LRMDA: variants seen among roughly 807,000 people sequenced by gnomAD.
The protein encoded by LRMDA is leucine rich melanocyte differentiation associated.
LRMDA carries 18 observed loss-of-function variants against 29.8 expected under a neutral mutation model. The ratio of observed to expected loss-of-function variants is 0.60; its 90% CI spans 0.42 to 0.90. The LOEUF (loss-of-function observed/expected upper bound fraction) is 0.90. Among genes scored for constraint, LRMDA ranks in the 40% least tolerant of loss-of-function variants. LRMDA has a pLI of 0.00. For missense variants in LRMDA, 273 were observed against 273.9 expected (o/e 1.00, Z 0.02); for synonymous variants, 125 against 109.4 (o/e 1.14, Z -0.89).
chr10:76,553,400 G>A (rs1346732722), intron 6 of LRMDA, among the ~76,000 whole-genome samples: 2 of 152,182 alleles, frequency 1.3e-5, no homozygotes, highest in African/African-American at 4.8e-5. Flanking sequence ...ACAAACCAGC[G>A]GGTTCCCAAA....
At chr10:76,366,339 T>G (rs977404373) in intron 6 of LRMDA, among the ~76,000 whole-genome samples, 1 of 152,200 alleles carries the variant, frequency 6.6e-6, no homozygotes, top group African/African-American at 2.4e-5. Context: ...GGCAGTATGG[T>G]CATTTTCACA....
intron 2 of LRMDA, among the ~76,000 whole-genome samples, chr10:75,525,592 C>CTTTTTTTT (rs11415547): frequency 2.8e-4 from 36 of 129,706 alleles, no homozygotes; most frequent in Non-Finnish European, 3.5e-4. Flanking sequence ...TTCTTTCTTT[C>CTTTTTTTT]TTTTTTTTTT....
At chr10:75,994,655 C>T (rs1847429016) in intron 2 of LRMDA, among the ~76,000 whole-genome samples, 3 of 152,336 alleles carry the variant, frequency 2.0e-5, no homozygotes, top group African/African-American at 7.2e-5. Flanking sequence ...TCGTTGATGT[C>T]CTGCTTCCCC....
intron 5 of LRMDA, among the ~76,000 whole-genome samples, chr10:76,313,731 T>C (rs1195734918): frequency 6.6e-6 from 1 of 152,228 alleles, no homozygotes; most frequent in Non-Finnish European, 1.5e-5. Flanking sequence ...TTTTTAGTTA[T>C]ATAAATGATG....
intron 5 of LRMDA, among the ~76,000 whole-genome samples, chr10:76,219,211 G>T (rs187294128): frequency 1.3e-5 from 2 of 152,126 alleles, no homozygotes; most frequent in Non-Finnish European, 2.9e-5. Context: ...ATCAACTAAC[G>T]AGCAAAATAA....
intron 5 of LRMDA, among the ~76,000 whole-genome samples, chr10:76,087,151 C>A (rs192751832): frequency 1.4e-4 from 21 of 152,244 alleles, no homozygotes; most frequent in Admixed American, 9.8e-4. Flanking sequence ...CATGCCAGTG[C>A]ACCCCAGTGT....
At chr10:76,034,492 G>A (rs941953777) in intron 2 of LRMDA, among the ~76,000 whole-genome samples, 1 of 152,146 alleles carries the variant, frequency 6.6e-6, no homozygotes, top group Non-Finnish European at 1.5e-5. Flanking sequence ...GTCCTGAGTG[G>A]GACCACCCCG....
intron 5 of LRMDA, among the ~76,000 whole-genome samples, chr10:76,154,028 T>C (rs1589353792): frequency 1.3e-5 from 2 of 152,234 alleles, no homozygotes; most frequent in African/African-American, 4.8e-5. Context: ...AGATAGGCAA[T>C]ATAGATATGA....
chr10:76,328,131 A>C (rs1840860037), intron 6 of LRMDA, among the ~76,000 whole-genome samples: 1 of 152,206 alleles, frequency 6.6e-6, no homozygotes, highest in African/African-American at 2.4e-5. Context: ...TGAGGAGGAC[A>C]TGGGAATGTG....
chr10:76,302,276 A>C (rs1056253831), intron 5 of LRMDA, among the ~76,000 whole-genome samples: 1 of 152,160 alleles, frequency 6.6e-6, no homozygotes, highest in African/African-American at 2.4e-5. Flanking sequence ...GGGAAGAGAA[A>C]AATCTCCCTG....
intron 5 of LRMDA, among the ~76,000 whole-genome samples, chr10:76,105,789 C>A (rs1849471038): frequency 6.6e-6 from 1 of 152,176 alleles, no homozygotes; most frequent in Non-Finnish European, 1.5e-5. Context: ...CTCTGTTGCC[C>A]AGGCTGGAGT....
intron 6 of LRMDA, among the ~76,000 whole-genome samples, chr10:76,488,462 T>C (rs886720051): frequency 4.3e-5 from 4 of 91,958 alleles, no homozygotes; most frequent in African/African-American, 1.4e-4. Context: ...AGTATAATTA[T>C]TTTGAGATTC....
At chr10:75,998,796 T>C (rs1464046678) in intron 2 of LRMDA, among the ~76,000 whole-genome samples, 1 of 152,106 alleles carries the variant, frequency 6.6e-6, no homozygotes, top group Non-Finnish European at 1.5e-5. Context: ...AATTTGGGAG[T>C]TCAATATGGT....
At chr10:76,432,596 A>G (rs1264162432) in intron 6 of LRMDA, among the ~76,000 whole-genome samples, 1 of 152,194 alleles carries the variant, frequency 6.6e-6, no homozygotes, top group Non-Finnish European at 1.5e-5. Context: ...TTATCCATTC[A>G]ATACACTGGG....
chr10:76,010,848 G>A (rs1382043673), intron 2 of LRMDA, among the ~76,000 whole-genome samples: 2 of 152,248 alleles, frequency 1.3e-5, no homozygotes, highest in Non-Finnish European at 2.9e-5. Context: ...CAGGCCCTCT[G>A]CAGAGATGCA....
At chr10:75,647,198 A>G (rs1308793945) in intron 2 of LRMDA, among the ~76,000 whole-genome samples, 1 of 152,158 alleles carries the variant, frequency 6.6e-6, no homozygotes, top group Non-Finnish European at 1.5e-5. Flanking sequence ...GTGCATCCCG[A>G]GGCAGTGTGT....
intron 2 of LRMDA, among the ~76,000 whole-genome samples, chr10:75,825,197 G>T (rs944629809): frequency 6.6e-6 from 1 of 152,070 alleles, no homozygotes; most frequent in African/African-American, 2.4e-5. Context: ...AGAGACTTTG[G>T]TGTGACGCCT....
intron 2 of LRMDA, among the ~76,000 whole-genome samples, chr10:75,772,869 T>TGGGGGGGGGGGGGGAG (rs1554824987): frequency 2.0e-5 from 1 of 49,792 alleles, no homozygotes; most frequent in African/African-American, 7.1e-5. Flanking sequence ...GGGGGTGGGA[T>TGGGGGGGGGGGGGGAG]GGGGGGGGGC....
intron 6 of LRMDA, among the ~76,000 whole-genome samples, chr10:76,442,113 G>A (rs974440130): frequency 5.3e-5 from 8 of 152,152 alleles, no homozygotes; most frequent in African/African-American, 1.9e-4. Flanking sequence ...TTAAAGATTA[G>A]TGTAAGGTTA....
Sources: allele counts gnomAD v4.1 joint callset (sites outside exome capture counted in the v4.1 genomes callset), GRCh38; gene constraint gnomAD v4.1.1; transcripts MANE v1.5; gene names NCBI Gene and HGNC (gene_info 2026-07-23, HGNC 2026-07-21).